RHOBTB3: variants seen among roughly 807,000 people sequenced by gnomAD.
RHOBTB3 encodes rho-related BTB domain-containing protein 3.
Under a neutral mutation model 67.2 loss-of-function variants are expected in RHOBTB3, and 47 were observed. That is an observed-to-expected ratio of 0.70 (90% confidence interval 0.55 to 0.89). The LOEUF is 0.89. RHOBTB3 is among the 40% of genes least tolerant of loss of function. The pLI is 0.00. For synonymous variants in RHOBTB3, 273 were observed against 274.2 expected (o/e 1.00, Z 0.04); for missense variants, 631 against 750.0 (o/e 0.84, Z 1.85).
chr5:95,724,397 G>C (rs1754988301), intron 1 of RHOBTB3, among the ~76,000 whole-genome samples: 1 of 152,226 alleles, frequency 6.6e-6, no homozygotes, highest in Non-Finnish European at 1.5e-5. Flanking sequence ...TTTCAGAACT[G>C]ACTGAAATTA....
chr5:95,757,972 A>C (rs1484768582), intron 6 of RHOBTB3, among the ~76,000 whole-genome samples: 1 of 152,198 alleles, frequency 6.6e-6, no homozygotes, highest in Non-Finnish European at 1.5e-5. Context: ...TAAGAGAAAA[A>C]AGATGTTTTT....
intron 4 of RHOBTB3, among the ~76,000 whole-genome samples, chr5:95,750,533 T>C (rs1026873896): frequency 1.3e-5 from 2 of 152,248 alleles, no homozygotes; most frequent in Non-Finnish European, 2.9e-5. Context: ...TACTGTATTA[T>C]ATAATGCATA....
Position 95,752,368 on chromosome 5 carries a change from T to C in RHOBTB3, c.682+18T>C, listed in dbSNP as rs774058453. ...ACAACCAGGTGCATTTCTTAGCCAA[T>C]GTCTAGACATTCATTAAACATTCAT... On this transcript the variant is annotated intron_variant, in intron 5 of 11. Transcript: ENST00000379982. 5.6e-6 allele frequency: 8 copies of C among 1,433,526 alleles called. No homozygotes were observed. The African/African-American group carries it at 8.5e-5, about 15-fold the overall frequency. 88.8% of individuals were successfully genotyped at this position (1,433,526 alleles called of 1,614,324 possible). A position where few individuals can be genotyped will look rare whatever the true frequency, so the allele number is the denominator to read the frequency against.
chr5:95,734,811 T>G (rs1055203399), intron 2 of RHOBTB3, among the ~76,000 whole-genome samples: 1 of 152,204 alleles, frequency 6.6e-6, no homozygotes, highest in Non-Finnish European at 1.5e-5. Context: ...GTATTTATAG[T>G]CTTCACATCC....
At chr5:95,773,524 G>A (rs912498583) in intron 8 of RHOBTB3, among the ~76,000 whole-genome samples, 2 of 152,296 alleles carry the variant, frequency 1.3e-5, no homozygotes, top group East Asian at 1.9e-4. Context: ...TTGGCTTTGC[G>A]TCTTGACCAG....
chr5:95,764,333 G>T (rs564688055), intron 7 of RHOBTB3, among the ~76,000 whole-genome samples: 2 of 152,286 alleles, frequency 1.3e-5, no homozygotes, highest in Admixed American at 1.3e-4. Flanking sequence ...GTTTTTGAGA[G>T]GAAGGCAGTT....
chr5:95,789,657 T>C (rs1261864166), intron 11 of RHOBTB3: 1 of 151,412 alleles, frequency 6.6e-6, no homozygotes, highest in Admixed American at 6.6e-5. Context: ...TCTTCTAGGG[T>C]GGGGGACAGA....
At chr5:95,791,398 T>C (rs543048407) in intron 11 of RHOBTB3, among the ~76,000 whole-genome samples, 1 of 152,182 alleles carries the variant, frequency 6.6e-6, no homozygotes, top group Non-Finnish European at 1.5e-5. Flanking sequence ...TAGCTCGATA[T>C]TATGTGTTCT....
At chr5:95,748,208 A>T in intron 3 of RHOBTB3, 125 bp from the exon 4 acceptor site, 1 of 569,478 alleles carries the variant, frequency 1.8e-6, no homozygotes, top group Non-Finnish European at 3.0e-6. Context: ...GGTAGTGGAT[A>T]TACTGAATGC....
chr5:95,788,704 C>A, intron 10 of RHOBTB3, 58 bp from the exon 11 acceptor site: 1 of 1,155,716 alleles, frequency 8.7e-7, no homozygotes, highest in South Asian at 1.4e-5. Flanking sequence ...TTCTCTTGAT[C>A]TTATCATACC....
At chr5:95,778,422 T>G (rs767929910) in intron 8 of RHOBTB3, among the ~76,000 whole-genome samples, 1 of 152,138 alleles carries the variant, frequency 6.6e-6, no homozygotes, top group Non-Finnish European at 1.5e-5. Context: ...TTCTGAATAT[T>G]TTCCACTCTC....
intron 1 of RHOBTB3, among the ~76,000 whole-genome samples, chr5:95,724,689 C>T (rs905322031): frequency 1.1e-4 from 17 of 152,242 alleles, no homozygotes; most frequent in Middle Eastern, 6.8e-3. Context: ...TGGTTTCGAA[C>T]GCCTGACCAC....
intron 1 of RHOBTB3, among the ~76,000 whole-genome samples, chr5:95,723,734 C>T (rs570757072): frequency 7.2e-5 from 11 of 152,168 alleles, no homozygotes; most frequent in East Asian, 5.8e-4. Flanking sequence ...CTTCCTGTCT[C>T]GCAGCCTCCC....
At chr5:95,784,323 G>A (rs991152242) in intron 10 of RHOBTB3, among the ~76,000 whole-genome samples, 2 of 152,154 alleles carry the variant, frequency 1.3e-5, no homozygotes, top group African/African-American at 4.8e-5. Context: ...GTTCCTAAAA[G>A]GGAAATGACA....
chr5:95,793,271 G>C lies in RHOBTB3; in HGVS notation c.*97G>C, dbSNP rs757956504. 65 of 730,206 alleles carry C rather than the reference G, an allele frequency of 8.9e-5. No individual in the cohort carries two copies. Among genetic ancestry groups the C allele is most frequent in the Non-Finnish European group, 1.3e-4 (58 of 446,180 alleles). 45.2% of individuals were successfully genotyped at this position (730,206 alleles called of 1,614,324 possible). ...ATTCTTCTGACCGAAACCAATGTGG[G>C]TGTTAGAAAAATTACCATATAGCTT... On this transcript the variant is annotated 3_prime_UTR_variant, in exon 12 of 12. Coordinates refer to ENST00000379982, the MANE Select transcript of RHOBTB3 (RefSeq NM_014899.4).
At position 95,737,024 on chromosome 5, in the gene RHOBTB3, G is replaced by A. The variant is rs755611194; in HGVS notation, c.364G>A (p.Ala122Thr). Residue 122 changes from alanine (A) to threonine (T), a missense_variant, in exon 3 of 12, where the codon GCA (alanine) becomes ACA (threonine). By Grantham distance (58) the Ala-to-Thr change is moderately conservative. Coordinates refer to ENST00000379982, the MANE Select transcript of RHOBTB3 (RefSeq NM_014899.4). ...TAATTATATTCCAGTGATAAAAAGA[G>A]CATTAAATTCAGTTCCAGTAATTAT... ...KDNYIPVIKR[A>T]LNSVPVIIAA... is the part of the protein sequence containing the mutation. 5.6e-6 allele frequency: 9 copies of A among 1,604,812 alleles called. No homozygotes were observed. Among genetic ancestry groups the A allele is most frequent in the Non-Finnish European group, 7.7e-6 (9 of 1,172,432 alleles).
At chr5:95,748,234 C>G (rs1744978289) in intron 3 of RHOBTB3, 99 bp from the exon 4 acceptor site, 2 of 781,774 alleles carry the variant, frequency 2.6e-6, no homozygotes, top group Non-Finnish European at 3.9e-6. Flanking sequence ...AACTGTGGCT[C>G]TAGTATGAGC....
chr5:95,744,346 A>C (rs1755689989), intron 3 of RHOBTB3, among the ~76,000 whole-genome samples: 1 of 152,004 alleles, frequency 6.6e-6, no homozygotes, highest in Non-Finnish European at 1.5e-5. Flanking sequence ...CAGACAGTTA[A>C]CTTTCTCTCC....
chr5:95,759,283 AT>A (rs1745332784), intron 6 of RHOBTB3, among the ~76,000 whole-genome samples: 1 of 152,248 alleles, frequency 6.6e-6, no homozygotes, highest in Non-Finnish European at 1.5e-5. Context: ...GGCACGGGCC[AT>A]TGACCCGGGG....
Sources: gnomAD v4.1 joint callset for allele counts (sites outside exome capture counted in the v4.1 genomes callset) on GRCh38, gnomAD v4.1.1 for gene constraint, MANE v1.5 for transcripts, NCBI Gene and HGNC (gene_info 2026-07-23, HGNC 2026-07-21) for gene names.